GGPS1: variants seen among roughly 807,000 people sequenced by gnomAD.
GGPS1 encodes the protein geranylgeranyl diphosphate synthase 1.
In GGPS1, 15 loss-of-function variants were observed where a neutral mutation model predicts 28.1. The observed-to-expected ratio is 0.53, with a 90% CI of 0.36 to 0.82. GGPS1 has a LOEUF of 0.82. Among genes scored for constraint, GGPS1 ranks in the 40% least tolerant of loss-of-function variants. The pLI, the probability that GGPS1 is intolerant of heterozygous loss-of-function variation, is 0.01. For missense variants in GGPS1, 284 were observed against 348.3 expected, an observed-to-expected ratio of 0.82 and a Z score of 1.47; for synonymous variants, 138 against 122.4, an observed-to-expected ratio of 1.13 and a Z score of -0.84.
rs1009399278 is a variant in GGPS1, at chr1:235,343,696, T to C, written c.*924T>C. 6.0e-6 allele frequency: 1 copy of C among 166,968 alleles called. No homozygotes were observed. Among genetic ancestry groups the C allele is most frequent in the Non-Finnish European group, 1.5e-5 (1 of 68,104 alleles). 10.3% of individuals were successfully genotyped at this position (166,968 alleles called of 1,614,324 possible). A position where few individuals can be genotyped will look rare whatever the true frequency, so the allele number is the denominator to read the frequency against. Reference sequence around the variant, plus strand: ...GAAATTCACATGCTAGTCTAAATCTTTTTTTCTCCCTTGTAACATTTATGT... The same window carrying C: ...GAAATTCACATGCTAGTCTAAATCTCTTTTTCTCCCTTGTAACATTTATGT... On this transcript the variant is annotated 3_prime_UTR_variant, in exon 4 of 4. Transcript: ENST00000282841.
At chr1:235,327,228 A>G (rs1225943688), upstream of GGPS1, 1 of 294,794 alleles carries the variant, frequency 3.4e-6, no homozygotes, top group East Asian at 6.1e-5. Flanking sequence ...CAATGACGCC[A>G]TTTCTGTCAG....
At chr1:235,327,381 G>C (rs966762504), upstream of GGPS1, 9 of 152,458 alleles carry the variant, frequency 5.9e-5, no homozygotes, top group Admixed American at 5.9e-4. Flanking sequence ...GGGGCCAGGA[G>C]GGCCTGTGGG....
chr1:235,338,273 C>G (rs1400848900), intron 2 of GGPS1, among the ~76,000 whole-genome samples: 1 of 151,398 alleles, frequency 6.6e-6, no homozygotes, highest in East Asian at 2.0e-4. Flanking sequence ...CCCAGCTTAC[C>G]TGGGGGACTG....
upstream of GGPS1, chr1:235,327,555 C>T (rs1011403484): frequency 6.6e-6 from 1 of 152,210 alleles, no homozygotes; most frequent in African/African-American, 2.4e-5. Flanking sequence ...GGCCCCCGAC[C>T]GCGGCCGCTA....
At position 235,335,312 on chromosome 1, in the gene GGPS1, T is replaced by G; in HGVS notation, c.48T>G (p.Tyr16Ter). The change falls in exon 2 of 4, where the codon TAT becomes TAG. Residue 16 changes from tyrosine (Y) to a stop codon, truncating the protein, a stop_gained. Transcript: ENST00000282841. LOFTEE classifies it high-confidence loss of function. The stretch of plus-strand genomic sequence containing the variant: ...TCCAAAGAATTCTTCTAGAACCCTA[T>G]AAATACTTACTTCAGTTACCAGGTA... Reference protein sequence around the residue: ...ETVQRILLEPYKYLLQLPGKQ... With the variant: ...ETVQRILLEP The G allele has an allele frequency of 6.5e-7, 1 of 1,539,256 alleles. No individual in the cohort carries two copies. Among genetic ancestry groups the G allele is most frequent in the Non-Finnish European group, 9.0e-7 (1 of 1,113,712 alleles).
intron 2 of GGPS1, among the ~76,000 whole-genome samples, chr1:235,340,938 T>A (rs1411737271): frequency 1.3e-5 from 2 of 152,134 alleles, no homozygotes; most frequent in Non-Finnish European, 2.9e-5. Context: ...GAGAAATAGA[T>A]AATTTCAAGA....
intron 1 of GGPS1, among the ~76,000 whole-genome samples, chr1:235,333,617 C>A (rs1189932505): frequency 6.6e-6 from 1 of 151,236 alleles, no homozygotes; most frequent in Non-Finnish European, 1.5e-5. Context: ...ACACAAAGTA[C>A]ATGAACTGAA....
intron 1 of GGPS1, chr1:235,330,058 T>A (rs1182356070): frequency 6.6e-6 from 1 of 152,186 alleles, no homozygotes; most frequent in African/African-American, 2.4e-5. Context: ...CCTCTTTACA[T>A]TTAACTTTAG....
intron 1 of GGPS1, chr1:235,330,328 C>T (rs1010697405): frequency 5.3e-5 from 8 of 152,150 alleles, no homozygotes; most frequent in African/African-American, 1.9e-4. Flanking sequence ...ACTAAAAATA[C>T]AAAAAAATTA....
Position 235,341,901 on chromosome 1 carries a change from ATATT to A in GGPS1, c.142-105_142-102del, listed in dbSNP as rs144977996. 0.014 allele frequency: 12,712 copies of A among 880,456 alleles called. 752 individuals carry two copies. The African/African-American group carries it at 0.15, about 10-fold the overall frequency. The allele number at this position is 880,456 out of a possible 1,614,324, so 54.5% of individuals were successfully genotyped here. A position where few individuals can be genotyped will look rare whatever the true frequency, so the allele number is the denominator to read the frequency against. On this transcript the variant is annotated intron_variant, in intron 3 of 3. Coordinates refer to ENST00000282841, the MANE Select transcript of GGPS1 (RefSeq NM_004837.4). Reference sequence around the variant, plus strand: ...TATTATTTTATATTGAGGTTGCTAAATATTTATTAGTTGTGAAAATTAACACACC... The same window carrying A: ...TATTATTTTATATTGAGGTTGCTAAATATTAGTTGTGAAAATTAACACACC...
At chr1:235,336,143 A>G (rs953606885) in intron 2 of GGPS1, among the ~76,000 whole-genome samples, 1 of 152,262 alleles carries the variant, frequency 6.6e-6, no homozygotes, top group African/African-American at 2.4e-5. Context: ...CTGTAATCCC[A>G]GCACTTTTTG....
At position 235,342,623 on chromosome 1, in the gene GGPS1, G is replaced by C. The variant is rs779117715; in HGVS notation, c.754G>C (p.Glu252Gln). Reference protein sequence around the residue: ...DIKKYCVHYLEDVGSFEYTRN... With the variant: ...DIKKYCVHYLQDVGSFEYTRN... The stretch of plus-strand genomic sequence containing the variant: ...AAAAAAATACTGTGTACATTATCTT[G>C]AGGATGTAGGTTCTTTTGAATACAC... The change falls in exon 4 of 4, where the codon GAG (glutamate) becomes CAG (glutamine). Residue 252 changes from glutamate to glutamine, a missense_variant. Transcript: ENST00000282841. The C allele has an allele frequency of 9.9e-6, 16 of 1,612,142 alleles. No individual in the cohort carries two copies. The highest frequency in any genetic ancestry group is 1.3e-5 in the Non-Finnish European group (15 of 1,178,174).
At chr1:235,340,099 A>G (rs1019532565) in intron 2 of GGPS1, among the ~76,000 whole-genome samples, 2 of 151,990 alleles carry the variant, frequency 1.3e-5, no homozygotes, top group African/African-American at 2.4e-5. Context: ...CGCCGCTGCA[A>G]TCCAGCCTGG....
intron 1 of GGPS1, among the ~76,000 whole-genome samples, chr1:235,331,155 G>T (rs1262357580): frequency 6.6e-6 from 1 of 152,122 alleles, no homozygotes; most frequent in East Asian, 1.9e-4. Context: ...GATTCTTTAT[G>T]AGCCTTTTTT....
At chr1:235,330,988 T>G (rs1675696844) in intron 1 of GGPS1, among the ~76,000 whole-genome samples, 1 of 152,212 alleles carries the variant, frequency 6.6e-6, no homozygotes, top group African/African-American at 2.4e-5. Context: ...TCTTCCTGTT[T>G]TGCATCTTCT....
chr1:235,340,644 G>A (rs562135993), intron 2 of GGPS1, among the ~76,000 whole-genome samples: 10 of 143,598 alleles, frequency 7.0e-5, no homozygotes, highest in African/African-American at 2.3e-4. Flanking sequence ...GCTGAGGCAG[G>A]AGAATGGCGT....
chr1:235,332,482 G>A (rs1191254533), intron 1 of GGPS1, among the ~76,000 whole-genome samples: 1 of 152,142 alleles, frequency 6.6e-6, no homozygotes, highest in Non-Finnish European at 1.5e-5. Flanking sequence ...GGACACTTAG[G>A]TTGATTCCAT....
At chr1:235,328,508 C>CG (rs3840451), upstream of GGPS1, 25,885 of 141,346 alleles carry the variant, frequency 0.18, 3,024 homozygotes, top group African/African-American at 0.34. Context: ...GGTGCGGGGG[C>CG]GGGGGGGAGG....
chr1:235,337,460 A>T (rs1477411173), intron 2 of GGPS1, among the ~76,000 whole-genome samples: 2 of 152,210 alleles, frequency 1.3e-5, no homozygotes, highest in African/African-American at 2.4e-5. Flanking sequence ...ATACAACCTC[A>T]AAAGATACTA....
Sources: gnomAD v4.1 joint callset for allele counts (sites outside exome capture counted in the v4.1 genomes callset) on GRCh38, gnomAD v4.1.1 for gene constraint, MANE v1.5 for transcripts, NCBI Gene and HGNC (gene_info 2026-07-23, HGNC 2026-07-21) for gene names.